Variants in IBTK observed in about 807,000 individuals in gnomAD.
IBTK encodes inhibitor of Bruton tyrosine kinase.
A neutral mutation model predicts 154.9 loss-of-function variants in IBTK; 83 were observed. That is an observed-to-expected ratio of 0.54 (90% confidence interval 0.45 to 0.64). The LOEUF (loss-of-function observed/expected upper bound fraction) is 0.64. IBTK is among the 30% of genes least tolerant of loss of function. IBTK has a pLI of 0.00. For synonymous variants in IBTK, 515 were observed against 536.1 expected, an observed-to-expected ratio of 0.96 and a Z score of 0.54; for missense variants, 1,332 against 1,584.6, an observed-to-expected ratio of 0.84 and a Z score of 2.71.
chr6:82,181,177 G>A (rs918466392), intron 26 of IBTK, among the ~76,000 whole-genome samples: 18 of 152,114 alleles, frequency 1.2e-4, no homozygotes, highest in African/African-American at 3.9e-4. Context: ...ACTGCTTGAG[G>A]CCAGGGGTTT....
chr6:82,172,714 T>C, intron 27 of IBTK: 2 of 510,592 alleles, frequency 3.9e-6, no homozygotes, highest in Non-Finnish European at 3.4e-6. Flanking sequence ...TCTGAAATAC[T>C]CTTTAGCAAT....
intron 1 of IBTK, among the ~76,000 whole-genome samples, chr6:82,243,929 T>A (rs1043839368): frequency 1.3e-5 from 2 of 152,164 alleles, no homozygotes; most frequent in Non-Finnish European, 2.9e-5. Flanking sequence ...AGTCATTCCA[T>A]ACTATCATAT....
chr6:82,217,225 T>C (rs114404136), intron 10 of IBTK, among the ~76,000 whole-genome samples: 1 of 152,152 alleles, frequency 6.6e-6, no homozygotes, highest in Non-Finnish European at 1.5e-5. Context: ...GATCACTAAA[T>C]ATGACTAAGA....
At chr6:82,186,912 T>G (rs1768576652) in intron 25 of IBTK, among the ~76,000 whole-genome samples, 2 of 127,224 alleles carry the variant, frequency 1.6e-5, no homozygotes, top group South Asian at 5.3e-4. Context: ...ATTATCAAAT[T>G]CTTTTTTTTT....
chr6:82,234,754 GAATA>G (rs372316687), intron 2 of IBTK, among the ~76,000 whole-genome samples: 3 of 152,204 alleles, frequency 2.0e-5, no homozygotes, highest in African/African-American at 4.8e-5. Flanking sequence ...ATACTGCAGA[GAATA>G]ATTAAGAAAA....
At chr6:82,211,923 T>C (rs1004034661) in intron 13 of IBTK, among the ~76,000 whole-genome samples, 6 of 152,158 alleles carry the variant, frequency 3.9e-5, no homozygotes, top group African/African-American at 1.4e-4. Flanking sequence ...CCAAGCACAG[T>C]TGAAACAACT....
At chr6:82,172,568 A>C in intron 27 of IBTK, 56 bp from the exon 28 acceptor site, 1 of 1,522,674 alleles carries the variant, frequency 6.6e-7, no homozygotes, top group East Asian at 2.3e-5. Flanking sequence ...TGCATGCAAA[A>C]TTTTCTCTGA....
rs1195114695 is a variant in IBTK at position 82,200,597 on chromosome 6, G to C, written c.2902C>G (p.Gln968Glu). 6.4e-7 allele frequency: 1 copy of C among 1,553,450 alleles called. No homozygotes were observed. Among genetic ancestry groups the C allele is most frequent in the Non-Finnish European group, 8.7e-7 (1 of 1,153,288 alleles). ...IFLKEEINME[Q>E]NHSETMFKKA... ...AAGAAAACAGCTTACGAATGATTTT[G>C]TTCCATATTTATTTCTTCTTTCAAG... The change falls in exon 20 of 29, where the codon CAA becomes GAA. Residue 968 changes from glutamine to glutamate, a missense_variant. Physicochemically the swap from Gln to Glu is conservative, Grantham distance 29. Around this residue, in one of 3 missense-constraint regions of IBTK, gnomAD observed 1,134 missense variants for 1,274.7 expected, o/e 0.89. Coordinates refer to ENST00000306270, the MANE Select transcript of IBTK (RefSeq NM_015525.4).
At chr6:82,210,642 T>C (rs1769600038) in intron 16 of IBTK, among the ~76,000 whole-genome samples, 172 bp downstream of exon 16, 3 of 152,026 alleles carry the variant, frequency 2.0e-5, no homozygotes, top group East Asian at 1.9e-4. Context: ...CTGGGCAACA[T>C]AGTAAGACCC....
At chr6:82,193,141 G>A (rs1014060692) in intron 23 of IBTK, among the ~76,000 whole-genome samples, 6 of 151,438 alleles carry the variant, frequency 4.0e-5, no homozygotes, top group African/African-American at 1.5e-4. Flanking sequence ...AAGGGAACCT[G>A]TTTCCTGTAC....
Position 82,191,852 on chromosome 6 carries a change from G to T in IBTK, c.3366C>A (p.Leu1122=), listed in dbSNP as rs1414005532. ...FSPVSPPVVD[L]RTIMEIEESR... is the part of the protein sequence containing the mutation. ...TTTCTTCTATTTCCATGATAGTTCT[G>T]AGATCCACAACAGGAGGGCTGACAG... The change falls in exon 24 of 29, where the codon CTC becomes CTA. Residue 1122 remains leucine (L), a synonymous_variant. Transcript: ENST00000306270. The T allele has an allele frequency of 6.2e-7, 1 of 1,611,254 alleles. No homozygotes were observed. Among genetic ancestry groups the T allele is most frequent in the South Asian group, 1.1e-5 (1 of 90,900 alleles).
intron 4 of IBTK, among the ~76,000 whole-genome samples, chr6:82,229,056 C>T (rs192517664): frequency 3.3e-5 from 5 of 152,032 alleles, no homozygotes; most frequent in Admixed American, 3.3e-4. Flanking sequence ...TAGAATCAGC[C>T]CCTTTTCAAT....
chr6:82,171,798 G>A (rs1767936015), intron 28 of IBTK, among the ~76,000 whole-genome samples: 1 of 152,106 alleles, frequency 6.6e-6, no homozygotes, highest in South Asian at 2.1e-4. Flanking sequence ...ATCTTGAGCA[G>A]AAGGAAAAAG....
chr6:82,223,584 G>A lies in IBTK; in HGVS notation c.980C>T (p.Thr327Ile). 1 of 1,613,448 alleles carries A rather than the reference G, an allele frequency of 6.2e-7. No homozygotes were observed. Among genetic ancestry groups the A allele is most frequent in the Non-Finnish European group, 8.5e-7 (1 of 1,179,814 alleles). Residue 327 changes from threonine to isoleucine, a missense_variant, in exon 8 of 29, where the codon ACT becomes ATT. Coordinates refer to ENST00000306270, the MANE Select transcript of IBTK (RefSeq NM_015525.4). ...AAGGGCAGAGACCTGACGAGGAGCAGTTACACACTTTTCTCCATTGGGATC... is the reference window on the plus strand; with the variant it reads ...AAGGGCAGAGACCTGACGAGGAGCAATTACACACTTTTCTCCATTGGGATC... ...LLDPNGEKCV[T>I]APRQVSALHH...
At chr6:82,180,354 T>C (rs1768276165) in intron 26 of IBTK, among the ~76,000 whole-genome samples, 1 of 152,022 alleles carries the variant, frequency 6.6e-6, no homozygotes, top group African/African-American at 2.4e-5. Flanking sequence ...CAAGCAATCC[T>C]CCCACCCAGC....
intron 3 of IBTK, among the ~76,000 whole-genome samples, chr6:82,232,919 G>T (rs1034999108): frequency 6.6e-6 from 1 of 152,162 alleles, no homozygotes; most frequent in African/African-American, 2.4e-5. Flanking sequence ...TTGGGAGACC[G>T]AGGCAGACGG....
chr6:82,217,006 G>A (rs541198152), intron 10 of IBTK, among the ~76,000 whole-genome samples: 122 of 152,186 alleles, frequency 8.0e-4, no homozygotes, highest in African/African-American at 2.9e-3. Context: ...GTAAATCCAG[G>A]AAAAGAATTA....
intron 25 of IBTK, among the ~76,000 whole-genome samples, chr6:82,185,706 T>C (rs967474561): frequency 6.6e-6 from 1 of 152,090 alleles, no homozygotes; most frequent in African/African-American, 2.4e-5. Flanking sequence ...CATAATTTTA[T>C]AATCACATGA....
chr6:82,201,839 C>T (rs548534844), intron 18 of IBTK, among the ~76,000 whole-genome samples: 2 of 152,072 alleles, frequency 1.3e-5, no homozygotes, highest in South Asian at 2.1e-4. Flanking sequence ...TCTCCTGCTT[C>T]ACACCCTCCC....
Sources: allele counts gnomAD v4.1 joint callset (sites outside exome capture counted in the v4.1 genomes callset), GRCh38; gene constraint gnomAD v4.1.1; regional missense constraint gnomAD v4.1.1; transcripts MANE v1.5; gene names NCBI Gene and HGNC (gene_info 2026-07-23, HGNC 2026-07-21).